Variants in COL25A1 observed in about 807,000 individuals in gnomAD.
The protein encoded by COL25A1 is collagen alpha-1(XXV) chain.
A neutral mutation model predicts 128.4 loss-of-function variants in COL25A1; 103 were observed. That is an observed-to-expected ratio of 0.80 (90% CI 0.68 to 0.94). The LOEUF (loss-of-function observed/expected upper bound fraction) is 0.94, where lower values mean the gene tolerates loss of function less well. COL25A1 is among the 40% of genes least tolerant of loss of function. COL25A1 has a pLI of 0.00. For synonymous variants in COL25A1, 279 were observed against 277.2 expected (o/e 1.01, Z -0.06); for missense variants, 745 against 840.0 (o/e 0.89, Z 1.40).
intron 3 of COL25A1, among the ~76,000 whole-genome samples, chr4:109,203,854 G>A (rs1474322906): frequency 1.3e-5 from 2 of 151,940 alleles, no homozygotes; most frequent in African/African-American, 4.8e-5. Flanking sequence ...ATAAACATCA[G>A]TGAATATTTT....
At chr4:108,837,398 C>T (rs1578496573) in intron 31 of COL25A1, among the ~76,000 whole-genome samples, 1 of 151,962 alleles carries the variant, frequency 6.6e-6, no homozygotes, top group South Asian at 2.1e-4. Context: ...ATTAAAGCCT[C>T]GTATTTAATA....
chr4:109,276,747 G>A (rs942570541), intron 3 of COL25A1, among the ~76,000 whole-genome samples: 2 of 152,100 alleles, frequency 1.3e-5, no homozygotes, highest in African/African-American at 4.8e-5. Context: ...ATGATGGCGA[G>A]CCCACCACAT....
chr4:109,252,386 A>G (rs1780719248), intron 3 of COL25A1, among the ~76,000 whole-genome samples: 1 of 152,222 alleles, frequency 6.6e-6, no homozygotes, highest in Admixed American at 6.5e-5. Context: ...TGCTGAGCCC[A>G]TGTATAACCT....
At chr4:109,232,365 A>G (rs374826047) in intron 3 of COL25A1, among the ~76,000 whole-genome samples, 4 of 152,274 alleles carry the variant, frequency 2.6e-5, no homozygotes, top group African/African-American at 9.6e-5. Context: ...AGATGACTTT[A>G]GATATTGAAT....
At chr4:108,866,813 A>T (rs1390094542) in intron 20 of COL25A1, among the ~76,000 whole-genome samples, 1 of 152,212 alleles carries the variant, frequency 6.6e-6, no homozygotes, top group Non-Finnish European at 1.5e-5. Flanking sequence ...AGATATTTCA[A>T]ATAATACCGA....
intron 5 of COL25A1, among the ~76,000 whole-genome samples, chr4:109,032,419 A>G (rs184638197): frequency 1.1e-4 from 16 of 152,332 alleles, no homozygotes; most frequent in Admixed American, 2.0e-4. Context: ...AGGGGAACTT[A>G]TGGTCACAAA....
intron 24 of COL25A1, among the ~76,000 whole-genome samples, chr4:108,856,005 T>G (rs1736449076): frequency 6.6e-6 from 1 of 152,196 alleles, no homozygotes; most frequent in Non-Finnish European, 1.5e-5. Flanking sequence ...CATGGCATTC[T>G]CTAGTGAGAC....
rs1331915911 is a variant in COL25A1 at position 109,056,019 on chromosome 4, G to A, written c.368-5840C>T. On this transcript the variant is annotated intron_variant, in intron 3 of 37. Transcript: ENST00000399132. ...AAGTTTTAATCTCTGTGGAATGTCA[G>A]TTTATAAACGAAAGTTAATCATAAT... 7.2e-5 allele frequency among the ~76,000 whole-genome samples: 11 copies of A among 152,190 alleles called. No homozygotes were observed. The South Asian group carries it at 1.2e-3, about 17-fold the overall frequency.
rs1744294997 is a variant in COL25A1, at chr4:108,912,050, T to A, written c.780+6122A>T. ...GGAAAAAACTTCCTTCAACTAACTT[T>A]TTGTTTCCCCCTAAAGAAACCCAAA... On this transcript the variant is annotated intron_variant, in intron 13 of 37. Coordinates refer to ENST00000399132, the MANE Select transcript of COL25A1 (RefSeq NM_198721.4). 2.0e-5 allele frequency among the ~76,000 whole-genome samples: 3 copies of A among 152,282 alleles called. No individual in the cohort carries two copies. In the South Asian group the frequency reaches 6.2e-4, roughly 32 times the overall value.
chr4:109,229,819 T>G (rs1418621582), intron 3 of COL25A1, among the ~76,000 whole-genome samples: 1 of 152,172 alleles, frequency 6.6e-6, no homozygotes, highest in Non-Finnish European at 1.5e-5. Context: ...TGCTGGGCTG[T>G]TCTTGCATTG....
chr4:109,016,696 G>A (rs1279942553), intron 5 of COL25A1, among the ~76,000 whole-genome samples: 1 of 152,210 alleles, frequency 6.6e-6, no homozygotes, highest in Non-Finnish European at 1.5e-5. Context: ...TCGTCAGGAT[G>A]ACCTGCCTGC....
At chr4:109,227,563 TG>T (rs1778888917) in intron 3 of COL25A1, among the ~76,000 whole-genome samples, 1 of 150,962 alleles carries the variant, frequency 6.6e-6, no homozygotes, top group Non-Finnish European at 1.5e-5. Context: ...GCTCAGCCAT[TG>T]CAATTAGCGA....
intron 3 of COL25A1, among the ~76,000 whole-genome samples, chr4:109,101,366 C>T (rs1163995263): frequency 1.3e-5 from 2 of 152,118 alleles, no homozygotes; most frequent in African/African-American, 2.4e-5. Context: ...CAGTCAGTAG[C>T]AGCAAAGCTT....
At chr4:109,253,087 C>T (rs558227799) in intron 3 of COL25A1, among the ~76,000 whole-genome samples, 1 of 152,270 alleles carries the variant, frequency 6.6e-6, no homozygotes, top group South Asian at 2.1e-4. Context: ...AATGAGAAAG[C>T]CAATTCCAGA....
At chr4:108,996,216 T>C (rs1754752555) in intron 6 of COL25A1, among the ~76,000 whole-genome samples, 2 of 146,976 alleles carry the variant, frequency 1.4e-5, no homozygotes, top group Admixed American at 1.4e-4. Flanking sequence ...GCTGTATTCA[T>C]GAGACCCATC....
rs756063947 is a variant in COL25A1, at chr4:109,011,153, A to G, written c.421-778T>C. Reference sequence around the variant, plus strand: ...TCATATCACCTTCTTAAAATCTCCAACTGGATTTTGTATCAGATGAGATTA... The same window carrying G: ...TCATATCACCTTCTTAAAATCTCCAGCTGGATTTTGTATCAGATGAGATTA... On this transcript the variant is annotated intron_variant, in intron 5 of 37. Coordinates refer to ENST00000399132, the MANE Select transcript of COL25A1 (RefSeq NM_198721.4). Among the ~76,000 whole-genome samples the G allele has an allele frequency of 3.3e-5, 5 of 152,348 alleles. No homozygotes were observed. In the South Asian group the frequency reaches 6.2e-4, roughly 19 times the overall value.
At chr4:109,178,835 CAAAAAA>C (rs34132262) in intron 3 of COL25A1, among the ~76,000 whole-genome samples, 1 of 47,544 alleles carries the variant, frequency 2.1e-5, no homozygotes, top group East Asian at 6.8e-4. Flanking sequence ...ACTCCATCTC[CAAAAAA>C]AAAAAAAAAA....
chr4:109,099,084 T>C (rs1765659604), intron 3 of COL25A1, among the ~76,000 whole-genome samples: 1 of 152,226 alleles, frequency 6.6e-6, no homozygotes, highest in South Asian at 2.1e-4. Flanking sequence ...TCTACTATTA[T>C]TTTACACTAT....
chr4:109,049,999 A>T (rs1386345219), intron 4 of COL25A1, 136 bp downstream of exon 4: 2 of 582,910 alleles, frequency 3.4e-6, no homozygotes, highest in Non-Finnish European at 5.9e-6. Flanking sequence ...AACAAATACA[A>T]CTAGGTCTAG....
Sources: gnomAD v4.1 joint callset for allele counts (sites outside exome capture counted in the v4.1 genomes callset) on GRCh38, gnomAD v4.1.1 for gene constraint, MANE v1.5 for transcripts, NCBI Gene and HGNC (gene_info 2026-07-23, HGNC 2026-07-21) for gene names.